Variants in PIEZO2 observed in about 807,000 individuals in gnomAD.
PIEZO2 encodes the protein piezo-type mechanosensitive ion channel component 2.
A neutral mutation model predicts 337.3 loss-of-function variants in PIEZO2; 172 were observed. The observed-to-expected ratio is 0.51, with a 90% confidence interval of 0.45 to 0.58. PIEZO2 has a LOEUF of 0.58. PIEZO2 is among the 20% of genes least tolerant of loss of function. PIEZO2 has a pLI of 0.00. For synonymous variants in PIEZO2, 1,251 were observed against 1,228.5 expected, an observed-to-expected ratio of 1.02 and a Z score of -0.38; for missense variants, 3,028 against 3,391.3, an observed-to-expected ratio of 0.89 and a Z score of 2.66.
chr18:10,979,400 A>G lies in PIEZO2; in HGVS notation c.286+135T>C, dbSNP rs1232473886. The G allele has an allele frequency of 9.6e-7, 1 of 1,039,040 alleles. No individual in the cohort carries two copies. The highest frequency in any genetic ancestry group is 3.4e-4 in the Middle Eastern group (1 of 2,970). The allele number at this position is 1,039,040 out of a possible 1,614,324, so 64.4% of individuals were successfully genotyped here. On this transcript the variant is annotated intron_variant, in intron 3 of 55. Transcript: ENST00000674853. The surrounding 1 kb of genome is among the most constrained non-coding windows in gnomAD (Gnocchi z 4.0). ...ATATATATTTACACTGCATTGCCAA[A>G]GACCAAAAATTTCCATGAATTTTAT...
intron 44 of PIEZO2, among the ~76,000 whole-genome samples, chr18:10,698,102 T>A (rs926852266): frequency 6.6e-6 from 1 of 152,238 alleles, no homozygotes; most frequent in Non-Finnish European, 1.5e-5. Context: ...TGCTATGCAA[T>A]CTTTGTTTCA....
At position 10,801,375 on chromosome 18, in the gene PIEZO2, T is replaced by C. The variant is rs1305699150; in HGVS notation, c.1239+15A>G. On this transcript the variant is annotated intron_variant, in intron 10 of 55. Coordinates refer to ENST00000674853, the MANE Select transcript of PIEZO2 (RefSeq NM_001378183.1). ...CTTACACATGCATAAATGATAATTC[T>C]AAGGGTATACTAACATCAGATGGTT... 6.1e-6 allele frequency: 9 copies of C among 1,472,788 alleles called. No individual in the cohort carries two copies. Among genetic ancestry groups the C allele is most frequent in the Non-Finnish European group, 8.3e-6 (9 of 1,088,184 alleles). The allele number at this position is 1,472,788 out of a possible 1,614,324, so 91.2% of individuals were successfully genotyped here.
At chr18:10,991,351 G>A (rs1263770040) in intron 2 of PIEZO2, among the ~76,000 whole-genome samples, 1 of 151,772 alleles carries the variant, frequency 6.6e-6, no homozygotes, top group African/African-American at 2.4e-5. Context: ...ACCTACATTA[G>A]GTATTTCTCC....
chr18:11,133,239 G>A (rs180909187), intron 1 of PIEZO2, among the ~76,000 whole-genome samples: 1 of 152,192 alleles, frequency 6.6e-6, no homozygotes, highest in East Asian at 1.9e-4. Context: ...CAGCATTTAA[G>A]TATTGTTAAC....
At chr18:10,686,002 T>C (rs2034530885) in intron 49 of PIEZO2, among the ~76,000 whole-genome samples, 1 of 152,222 alleles carries the variant, frequency 6.6e-6, no homozygotes, top group Non-Finnish European at 1.5e-5. Flanking sequence ...CAGAACTTCC[T>C]GATATTAGAA....
At position 10,680,354 on chromosome 18, in the gene PIEZO2, C is replaced by T. The variant is rs1459334908; in HGVS notation, c.7797G>A (p.Leu2599=). 1.9e-6 allele frequency: 3 copies of T among 1,613,660 alleles called. No individual in the cohort carries two copies. In the Admixed American group the frequency reaches 5.0e-5, roughly 27 times the overall value. Residue 2599 remains leucine, a synonymous_variant, in exon 52 of 56, where the codon CTG becomes CTA. Transcript: ENST00000674853. ...FSRDTGAMQF[L]ENYEKEDITV... Reference sequence around the variant, plus strand: ...TTATGTCTTCTTTTTCATAATTTTCCAGAAATTGCATAGCACCCTGTATGT... The same window carrying T: ...TTATGTCTTCTTTTTCATAATTTTCTAGAAATTGCATAGCACCCTGTATGT...
Position 11,028,613 on chromosome 18 carries a change from A to T in PIEZO2, c.160+37514T>A, listed in dbSNP as rs2036623084. Among the ~76,000 whole-genome samples the T allele has an allele frequency of 2.0e-5, 3 of 152,192 alleles. No individual in the cohort carries two copies. The highest frequency in any genetic ancestry group is 4.4e-5 in the Non-Finnish European group (3 of 68,040). On this transcript the variant is annotated intron_variant, in intron 2 of 55. Coordinates refer to ENST00000674853, the MANE Select transcript of PIEZO2 (RefSeq NM_001378183.1). This position sits in a 1 kb window ranked among gnomAD's most constrained non-coding sequence, Gnocchi z 4.8. ...GACACTGTCCTTCAGCTTTATCTGAACACCCCCATAACAATGTGTGACTAA... is the reference window on the plus strand; with the variant it reads ...GACACTGTCCTTCAGCTTTATCTGATCACCCCCATAACAATGTGTGACTAA...
Position 10,676,513 on chromosome 18 carries a change from T to C in PIEZO2, c.8082-1225A>G, listed in dbSNP as rs1416466071. Among the ~76,000 whole-genome samples, 1 of 152,194 alleles carries C rather than the reference T, an allele frequency of 6.6e-6. No individual in the cohort carries two copies. The highest frequency in any genetic ancestry group is 1.5e-5 in the Non-Finnish European group (1 of 68,012). On this transcript the variant is annotated intron_variant, in intron 53 of 55. Coordinates refer to ENST00000674853, the MANE Select transcript of PIEZO2 (RefSeq NM_001378183.1). This position sits in a 1 kb window ranked among gnomAD's most constrained non-coding sequence, Gnocchi z 5.1. ...ATAGTATTTTGAGATATATAATATG[T>C]TTTTTTCCAAATTTCCTTTTACCCC...
At chr18:11,037,666 C>G (rs2036970961) in intron 2 of PIEZO2, among the ~76,000 whole-genome samples, 1 of 152,152 alleles carries the variant, frequency 6.6e-6, no homozygotes, top group African/African-American at 2.4e-5. Flanking sequence ...CTCCCTGTTT[C>G]CAGCCCTCTT....
At position 10,716,553 on chromosome 18, in the gene PIEZO2, G is replaced by C. The variant is rs994082765; in HGVS notation, c.5090-737C>G. ...AGAGCGGGTATCTTTTGCTGAGCAA[G>C]GAGGCACAGGAAGAGAACGGCCGCT... On this transcript the variant is annotated intron_variant, in intron 37 of 55. Transcript: ENST00000674853. The surrounding 1 kb of genome is among the most constrained non-coding windows in gnomAD (Gnocchi z 4.1). 6.6e-6 allele frequency among the ~76,000 whole-genome samples: 1 copy of C among 152,084 alleles called. No homozygotes were observed. The highest frequency in any genetic ancestry group is 2.4e-5 in the African/African-American group (1 of 41,328).
At position 10,737,297 on chromosome 18, in the gene PIEZO2, A is replaced by AAAAAAAAAC. The variant is rs1568002100; in HGVS notation, c.4709-588_4709-587insGTTTTTTTT. On this transcript the variant is annotated intron_variant, in intron 33 of 55. Coordinates refer to ENST00000674853, the MANE Select transcript of PIEZO2 (RefSeq NM_001378183.1). ...TGGCAAGACATTTGAAAAAAAAAAA[A>AAAAAAAAAC]CAAAAAAACACGCACACACTGCCAT... Among the ~76,000 whole-genome samples the AAAAAAAAAC allele has an allele frequency of 1.1e-4, 17 of 148,086 alleles. No homozygotes were observed. In the South Asian group the frequency reaches 1.5e-3, roughly 13 times the overall value.
chr18:11,055,136 G>A (rs891473508), intron 2 of PIEZO2, among the ~76,000 whole-genome samples: 14 of 151,346 alleles, frequency 9.3e-5, no homozygotes, highest in East Asian at 3.9e-4. Flanking sequence ...GCGTGAACCC[G>A]GGAGGCAGAG....
At position 10,870,992 on chromosome 18, in the gene PIEZO2, G is replaced by T. The variant is rs2042125626; in HGVS notation, c.492+261C>A. On this transcript the variant is annotated intron_variant, in intron 5 of 55. Transcript: ENST00000674853. The surrounding 1 kb of genome is among the most constrained non-coding windows in gnomAD (Gnocchi z 5.3). ...GCCTCCGAGATAATATCACGTGATA[G>T]TTTGGGGTGGTGGGTCAAAGCCTGG... is the stretch of plus-strand genomic sequence containing the variant. Among the ~76,000 whole-genome samples the T allele has an allele frequency of 6.6e-6, 1 of 151,960 alleles. No homozygotes were observed. Among genetic ancestry groups the T allele is most frequent in the Admixed American group, 6.6e-5 (1 of 15,248 alleles).
chr18:10,681,584 CA>C, intron 51 of PIEZO2, 76 bp downstream of exon 51: 4 of 1,247,080 alleles, frequency 3.2e-6, no homozygotes, highest in Non-Finnish European at 4.7e-6. Context: ...CAGGCCATGG[CA>C]AAGCATTAAA....
At position 10,833,819 on chromosome 18, in the gene PIEZO2, G is replaced by A. The variant is rs1273980829; in HGVS notation, c.917+21534C>T. Among the ~76,000 whole-genome samples the A allele has an allele frequency of 1.3e-5, 2 of 152,172 alleles. No homozygotes were observed. The highest frequency in any genetic ancestry group is 1.5e-5 in the Non-Finnish European group (1 of 68,044). On this transcript the variant is annotated intron_variant, in intron 7 of 55. Transcript: ENST00000674853. This position sits in a 1 kb window ranked among gnomAD's most constrained non-coding sequence, Gnocchi z 4.7. ...TCTGCAAATCCTTTGTTTAAAAAAC[G>A]CATTAGGCTGCCCTTTCCCTGAAGC...
intron 7 of PIEZO2, among the ~76,000 whole-genome samples, chr18:10,832,153 C>T (rs191439480): frequency 5.3e-5 from 8 of 152,148 alleles, no homozygotes; most frequent in Admixed American, 1.3e-4. Flanking sequence ...CAAAAATTAG[C>T]CAGGTGTGGT....
At chr18:10,721,991 G>A (rs1373372316) in intron 36 of PIEZO2, among the ~76,000 whole-genome samples, 6 of 151,766 alleles carry the variant, frequency 4.0e-5, no homozygotes, top group South Asian at 2.1e-4. Context: ...CGGTCTCTAC[G>A]AAAATACAAA....
chr18:11,137,871 G>A (rs1323428509), intron 1 of PIEZO2, among the ~76,000 whole-genome samples: 1 of 152,196 alleles, frequency 6.6e-6, no homozygotes, highest in African/African-American at 2.4e-5. Context: ...GGTTCCAGGA[G>A]AGCTAAAAAC....
intron 3 of PIEZO2, among the ~76,000 whole-genome samples, chr18:10,975,228 G>A (rs2034397914): frequency 6.6e-6 from 1 of 152,182 alleles, no homozygotes; most frequent in Non-Finnish European, 1.5e-5. Flanking sequence ...CACAGCACAA[G>A]AATCCAGACT....
Sources: allele counts gnomAD v4.1 joint callset (sites outside exome capture counted in the v4.1 genomes callset), GRCh38; gene constraint gnomAD v4.1.1; non-coding constraint Gnocchi (gnomAD v3.1); transcripts MANE v1.5; gene names NCBI Gene and HGNC (gene_info 2026-07-23, HGNC 2026-07-21).